HEXA: variants seen among roughly 807,000 people sequenced by gnomAD.
HEXA encodes the protein hexosaminidase subunit alpha.
Under a neutral mutation model 73.3 loss-of-function variants are expected in HEXA, and 54 were observed. The observed-to-expected ratio is 0.74, with a 90% CI of 0.59 to 0.92. The LOEUF (loss-of-function observed/expected upper bound fraction) is 0.92, where lower values mean the gene tolerates loss of function less well. Among genes scored for constraint, HEXA ranks in the 40% least tolerant of loss-of-function variants. HEXA has a pLI of 0.00. For missense variants in HEXA, 649 were observed against 653.0 expected, an observed-to-expected ratio of 0.99 and a Z score of 0.07; for synonymous variants, 230 against 246.9, an observed-to-expected ratio of 0.93 and a Z score of 0.64.
At chr15:72,374,232 C>T (rs1295661434) in intron 1 of HEXA, among the ~76,000 whole-genome samples, 1 of 151,640 alleles carries the variant, frequency 6.6e-6, no homozygotes, top group African/African-American at 2.4e-5. Context: ...TTTTTTTTTC[C>T]ATAAACCAGG....
chr15:72,359,563 G>C (rs779612072), intron 1 of HEXA: 3 of 151,648 alleles, frequency 2.0e-5, no homozygotes, highest in South Asian at 2.1e-4. Context: ...TGGTCATGGT[G>C]GTGGGCCCTG....
At chr15:72,363,583 T>C (rs749701350) in intron 1 of HEXA, among the ~76,000 whole-genome samples, 2 of 152,176 alleles carry the variant, frequency 1.3e-5, no homozygotes, top group Admixed American at 6.5e-5. Flanking sequence ...TTCTCCTTAG[T>C]GCTGCTGAAT....
At position 72,345,563 on chromosome 15, in the gene HEXA, G is replaced by A. The variant is rs1366173591; in HGVS notation, c.1422-13C>T. The A allele has an allele frequency of 6.2e-7, 1 of 1,613,976 alleles. No homozygotes were observed. The highest frequency in any genetic ancestry group is 8.5e-7 in the Non-Finnish European group (1 of 1,179,984). Reference sequence around the variant, plus strand: ...CCCTGCTCTGGGCCTGGAGGAAAAGGGGCATGTGCCAGATTGGGCCCTGTA... The same window carrying A: ...CCCTGCTCTGGGCCTGGAGGAAAAGAGGCATGTGCCAGATTGGGCCCTGTA... On this transcript the variant is annotated splice_polypyrimidine_tract_variant and intron_variant, in intron 12 of 13. Coordinates refer to ENST00000268097, the MANE Select transcript of HEXA (RefSeq NM_000520.6).
At chr15:72,344,534 A>T (rs1213750863) in intron 13 of HEXA, among the ~76,000 whole-genome samples, 1 of 152,158 alleles carries the variant, frequency 6.6e-6, no homozygotes, top group Non-Finnish European at 1.5e-5. Flanking sequence ...AATGCTGTAA[A>T]TATGGTGGCA....
chr15:72,354,070 T>A, intron 3 of HEXA: 2 of 379,916 alleles, frequency 5.3e-6, no homozygotes, highest in Non-Finnish European at 9.7e-6. Flanking sequence ...CATATACTCA[T>A]GAGGACAGAC....
At chr15:72,362,206 G>A (rs773507856) in intron 1 of HEXA, among the ~76,000 whole-genome samples, 19 of 151,954 alleles carry the variant, frequency 1.3e-4, no homozygotes, top group Non-Finnish European at 2.4e-4. Context: ...TTGCCTTCCC[G>A]CCACATCTCC....
chr15:72,351,285 G>A, intron 5 of HEXA, 51 bp from the exon 6 acceptor site: 1 of 1,279,468 alleles, frequency 7.8e-7, no homozygotes, highest in South Asian at 1.2e-5. Flanking sequence ...TCCGGTTTCA[G>A]CCTCAAACTT....
intron 12 of HEXA, chr15:72,345,851 T>C: frequency 1.9e-6 from 1 of 527,586 alleles, no homozygotes; most frequent in East Asian, 3.4e-5. Context: ...GCAGAGGTCC[T>C]TAAAATGTAA....
chr15:72,346,349 G>C, intron 11 of HEXA, 24 bp from the exon 12 acceptor site: 1 of 1,593,072 alleles, frequency 6.3e-7, no homozygotes, highest in Non-Finnish European at 8.6e-7. Context: ...AGCAACAACA[G>C]TCTGGTGATG....
intron 1 of HEXA, chr15:72,357,803 G>C (rs952062335): frequency 6.6e-5 from 10 of 152,174 alleles, no homozygotes; most frequent in Non-Finnish European, 1.2e-4. Context: ...CCACATGGCT[G>C]TATCTCAGCT....
In HEXA at chr15:72,349,307, C is replaced by A. The variant is rs73440586; in HGVS notation, c.806-48G>T. 21,629 of 1,417,158 alleles carry A rather than the reference C, an allele frequency of 0.015. 1,471 individuals carry two copies. The African/African-American group carries it at 0.18, about 12-fold the overall frequency. 87.8% of individuals were successfully genotyped at this position (1,417,158 alleles called of 1,614,324 possible). On this transcript the variant is annotated intron_variant, in intron 7 of 13. Coordinates refer to ENST00000268097, the MANE Select transcript of HEXA (RefSeq NM_000520.6). ...ATGAGTGTCACAAATACATAAACCC[C>A]CACGCACAGTCCTACACGTAAGGAC...
At chr15:72,362,405 C>CCAAT in intron 1 of HEXA, 1 of 455,192 alleles carries the variant, frequency 2.2e-6, no homozygotes, top group Non-Finnish European at 4.4e-6. Flanking sequence ...ACAGGAGGGA[C>CCAAT]CAATCTCAGT....
At chr15:72,369,046 C>T (rs1025221554) in intron 1 of HEXA, among the ~76,000 whole-genome samples, 1 of 152,212 alleles carries the variant, frequency 6.6e-6, no homozygotes, top group Non-Finnish European at 1.5e-5. Context: ...AGGAGCTCTA[C>T]ACCACACCCA....
At chr15:72,353,207 G>C (rs373914061) in intron 4 of HEXA, 29 bp from the exon 5 acceptor site, 54 of 1,360,298 alleles carry the variant, frequency 4.0e-5, no homozygotes, top group Non-Finnish European at 5.4e-5. Flanking sequence ...GAACATGTCA[G>C]TTTCAAAGGA....
At chr15:72,371,591 GAAAAAAAAAAA>G (rs11299619) in intron 1 of HEXA, among the ~76,000 whole-genome samples, 15 of 121,942 alleles carry the variant, frequency 1.2e-4, no homozygotes, top group African/African-American at 5.8e-4. Flanking sequence ...GTCTCTAAAA[GAAAAAAAAAAA>G]AAAAAAAAAA....
chr15:72,351,457 A>C (rs1350365980), intron 5 of HEXA: 5 of 604,544 alleles, frequency 8.3e-6, no homozygotes, highest in Non-Finnish European at 1.5e-5. Flanking sequence ...GAACACATCC[A>C]AAGATGGATG....
intron 1 of HEXA, 98 bp downstream of exon 1, chr15:72,375,622 G>C (rs1281936357): frequency 4.3e-6 from 6 of 1,397,728 alleles, no homozygotes; most frequent in Non-Finnish European, 6.0e-6. Context: ...TCAGAGGGCT[G>C]GACAAAAGCC....
chr15:72,356,491 G>C, intron 2 of HEXA, 34 bp downstream of exon 2: 1 of 1,611,552 alleles, frequency 6.2e-7, no homozygotes. Flanking sequence ...ACAAGTGTTT[G>C]CTCTTCTAAG....
chr15:72,371,981 G>C (rs1313790656), intron 1 of HEXA, among the ~76,000 whole-genome samples: 1 of 152,180 alleles, frequency 6.6e-6, no homozygotes, highest in Non-Finnish European at 1.5e-5. Context: ...GTGAACATCA[G>C]ACCAGGATGG....
Sources: gnomAD v4.1 joint callset for allele counts (sites outside exome capture counted in the v4.1 genomes callset) on GRCh38, gnomAD v4.1.1 for gene constraint, MANE v1.5 for transcripts, NCBI Gene and HGNC (gene_info 2026-07-23, HGNC 2026-07-21) for gene names.